The following MED13L variants were observed in gnomAD, a reference collection of about 807,000 sequenced individuals.
MED13L encodes the protein mediator of RNA polymerase II transcription subunit 13-like.
In MED13L, 7 loss-of-function variants were observed where a neutral mutation model predicts 220.9. The ratio of observed to expected loss-of-function variants is 0.03; its 90% CI spans 0.02 to 0.06. MED13L has a LOEUF of 0.06. Ranked by LOEUF, MED13L falls within the 10% of genes least tolerant of loss-of-function variation. The probability of loss-of-function intolerance (pLI) is 1.00; values close to 1 mark genes in which losing one functional copy is unlikely to be tolerated. For missense variants in MED13L, 1,965 were observed against 2,760.5 expected, an observed-to-expected ratio of 0.71 and a Z score of 6.46; for synonymous variants, 1,011 against 1,015.2, an observed-to-expected ratio of 1.00 and a Z score of 0.08.
chr12:116,191,102 A>AG (rs1881249943), intron 2 of MED13L, among the ~76,000 whole-genome samples: 4 of 151,732 alleles, frequency 2.6e-5, no homozygotes, highest in South Asian at 2.1e-4. Context: ...AAAAAAAAAA[A>AG]AAAAAGAAAA....
At chr12:115,969,577 CTCTT>C (rs1341577005) in intron 27 of MED13L, among the ~76,000 whole-genome samples, 2 of 149,746 alleles carry the variant, frequency 1.3e-5, no homozygotes, top group Non-Finnish European at 3.0e-5. Context: ...AATGTTTTCT[CTCTT>C]TTTTTTTTTT....
At chr12:116,173,574 CTT>C (rs1879836993) in intron 2 of MED13L, among the ~76,000 whole-genome samples, 1 of 152,102 alleles carries the variant, frequency 6.6e-6, no homozygotes, top group Non-Finnish European at 1.5e-5. Flanking sequence ...TTCTATTAAA[CTT>C]GTCTCCTTTC....
intron 10 of MED13L, 129 bp from the exon 11 acceptor site, chr12:116,007,765 G>C: frequency 1.3e-6 from 1 of 766,296 alleles, no homozygotes; most frequent in Non-Finnish European, 2.1e-6. Flanking sequence ...TTATATTCAT[G>C]ATTAAATAAA....
intron 2 of MED13L, among the ~76,000 whole-genome samples, chr12:116,157,871 C>T (rs961455583): frequency 2.6e-5 from 4 of 152,136 alleles, no homozygotes; most frequent in African/African-American, 9.7e-5. Context: ...AGTGCCCAAG[C>T]ATAAAGTCAA....
At chr12:116,031,759 A>AGAAAAGGAAGGAAG (rs1592967502) in intron 4 of MED13L, among the ~76,000 whole-genome samples, 1 of 40,952 alleles carries the variant, frequency 2.4e-5, no homozygotes, top group Non-Finnish European at 4.5e-5. Flanking sequence ...AGAAAAGAAA[A>AGAAAAGGAAGGAAG]GAAGGAAGGA....
chr12:116,085,262 A>G (rs189398654), intron 4 of MED13L, among the ~76,000 whole-genome samples: 1 of 152,334 alleles, frequency 6.6e-6, no homozygotes, highest in African/African-American at 2.4e-5. Flanking sequence ...AAAAATACTC[A>G]TAGTAAAATA....
At chr12:116,011,844 G>A (rs577940891) in intron 9 of MED13L, among the ~76,000 whole-genome samples, 1 of 152,328 alleles carries the variant, frequency 6.6e-6, no homozygotes, top group South Asian at 2.1e-4. Context: ...GGGCAGGGGA[G>A]AAGAGGAAAA....
At chr12:116,242,841 T>A (rs1870776776) in intron 1 of MED13L, among the ~76,000 whole-genome samples, 1 of 152,224 alleles carries the variant, frequency 6.6e-6, no homozygotes. Flanking sequence ...GAATTTAAAG[T>A]ATAAATTCTT....
intron 7 of MED13L, among the ~76,000 whole-genome samples, chr12:116,018,127 A>G (rs1282097089): frequency 6.6e-6 from 1 of 152,184 alleles, no homozygotes; most frequent in Non-Finnish European, 1.5e-5. Context: ...GCACTTGTAT[A>G]TATTACCTAG....
chr12:116,250,047 A>C (rs1283477587), intron 1 of MED13L, among the ~76,000 whole-genome samples: 3 of 149,732 alleles, frequency 2.0e-5, no homozygotes, highest in South Asian at 2.1e-4. Context: ...AAAAAAAAAA[A>C]AACACACCAA....
At chr12:116,135,700 G>T (rs1054642473) in intron 2 of MED13L, among the ~76,000 whole-genome samples, 9 of 152,102 alleles carry the variant, frequency 5.9e-5, no homozygotes, top group African/African-American at 1.9e-4. Context: ...AACCAGGCTC[G>T]TGAGATGAAG....
chr12:116,145,625 G>C (rs1877424606), intron 2 of MED13L, among the ~76,000 whole-genome samples: 1 of 151,840 alleles, frequency 6.6e-6, no homozygotes, highest in Non-Finnish European at 1.5e-5. Context: ...CCTCCAAGGA[G>C]CTAGGACTAC....
At chr12:116,062,134 GGT>G (rs1869548369) in intron 4 of MED13L, among the ~76,000 whole-genome samples, 1 of 151,678 alleles carries the variant, frequency 6.6e-6, no homozygotes, top group African/African-American at 2.4e-5. Context: ...TTCTGGGTAT[GGT>G]GGTGCATGCC....
At position 116,038,744 on chromosome 12, in the gene MED13L, C is replaced by CAAAAAAAAAAA. The variant is rs63703461; in HGVS notation, c.480-16154_480-16144dup. On this transcript the variant is annotated intron_variant, in intron 4 of 30. Transcript: ENST00000281928. ...GACTTTACCTATGCGGTCAAAAGGC[C>CAAAAAAAAAAA]AAAAAAAAAAAAAAAAAAAAAAAAA... Among the ~76,000 whole-genome samples, 72 of 75,262 alleles carry CAAAAAAAAAAA rather than the reference C, an allele frequency of 9.6e-4. 3 individuals carry two copies. In the East Asian group the frequency reaches 0.013, roughly 13 times the overall value. 49.4% of individuals were successfully genotyped at this position (75,262 alleles called of 152,430 possible). A position where few individuals can be genotyped will look rare whatever the true frequency, so the allele number is the denominator to read the frequency against.
intron 2 of MED13L, among the ~76,000 whole-genome samples, chr12:116,235,816 C>A (rs546878804): frequency 6.6e-6 from 1 of 152,058 alleles, no homozygotes; most frequent in Admixed American, 6.6e-5. Context: ...AACTAAATAA[C>A]CCTCATTAGC....
At chr12:115,968,628 A>T (rs1373000882) in intron 28 of MED13L, among the ~76,000 whole-genome samples, 1 of 152,254 alleles carries the variant, frequency 6.6e-6, no homozygotes, top group African/African-American at 2.4e-5. Context: ...TAAAACCATT[A>T]AAAAACTGGG....
intron 3 of MED13L, among the ~76,000 whole-genome samples, chr12:116,110,416 G>A (rs1188164022): frequency 6.6e-6 from 1 of 151,844 alleles, no homozygotes; most frequent in Non-Finnish European, 1.5e-5. Context: ...AAATGAAAAA[G>A]CTCTTCCTTA....
chr12:116,043,354 C>G (rs11067888), intron 4 of MED13L, among the ~76,000 whole-genome samples: 1 of 152,218 alleles, frequency 6.6e-6, no homozygotes, highest in Non-Finnish European at 1.5e-5. Context: ...GTTTAATAGT[C>G]TGGTTCAGGG....
intron 3 of MED13L, among the ~76,000 whole-genome samples, chr12:116,097,152 C>T (rs1044080752): frequency 3.3e-5 from 5 of 151,386 alleles, no homozygotes; most frequent in African/African-American, 9.8e-5. Context: ...ACCCATCTTT[C>T]AAGTTTTTTT....
Sources: allele counts gnomAD v4.1 joint callset (sites outside exome capture counted in the v4.1 genomes callset), GRCh38; gene constraint gnomAD v4.1.1; transcripts MANE v1.5; gene names NCBI Gene and HGNC (gene_info 2026-07-23, HGNC 2026-07-21).